Variants in EPB41L4A observed in about 807,000 individuals in gnomAD.
EPB41L4A encodes the protein band 4.1-like protein 4A.
In EPB41L4A, 100 loss-of-function variants were observed where a neutral mutation model predicts 108.6. The observed-to-expected ratio is 0.92, with a 90% CI of 0.78 to 1.09. The LOEUF is 1.09. Among genes scored for constraint, EPB41L4A ranks in the 50% least tolerant of loss-of-function variants. The pLI is 0.00. For missense variants in EPB41L4A, 1,030 were observed against 842.7 expected (o/e 1.22, Z -2.75); for synonymous variants, 319 against 289.0 (o/e 1.10, Z -1.05).
At chr5:112,414,935 G>A (rs17134503) in intron 1 of EPB41L4A, among the ~76,000 whole-genome samples, 6 of 151,932 alleles carry the variant, frequency 3.9e-5, no homozygotes, top group East Asian at 1.9e-4. Context: ...TGAATCTTAC[G>A]TTTGTGTGTG....
At chr5:112,220,980 A>G (rs1025565288) in intron 12 of EPB41L4A, among the ~76,000 whole-genome samples, 3 of 152,154 alleles carry the variant, frequency 2.0e-5, no homozygotes, top group African/African-American at 7.2e-5. Flanking sequence ...GAATATACAC[A>G]TATCTCATTT....
intron 1 of EPB41L4A, among the ~76,000 whole-genome samples, chr5:112,344,819 T>C (rs1345306667): frequency 2.0e-5 from 3 of 152,164 alleles, no homozygotes; most frequent in Non-Finnish European, 1.5e-5. Context: ...ACTGAATATA[T>C]AGCACCTACT....
chr5:112,172,610 G>A (rs995655917), intron 18 of EPB41L4A, among the ~76,000 whole-genome samples: 5 of 152,012 alleles, frequency 3.3e-5, no homozygotes, highest in African/African-American at 1.2e-4. Context: ...TGGTTGGTCT[G>A]ATTTGCTAGA....
At chr5:112,284,194 C>A (rs1753134462) in intron 2 of EPB41L4A, among the ~76,000 whole-genome samples, 1 of 152,200 alleles carries the variant, frequency 6.6e-6, no homozygotes, top group African/African-American at 2.4e-5. Context: ...AGTCTTTCCA[C>A]CTGCCCCACG....
intron 2 of EPB41L4A, among the ~76,000 whole-genome samples, chr5:112,297,759 G>C (rs1474654192): frequency 6.6e-6 from 1 of 152,056 alleles, no homozygotes. Flanking sequence ...AATTTTTATA[G>C]TTTTAAGTCT....
At chr5:112,281,342 T>C (rs1463648299) in intron 2 of EPB41L4A, among the ~76,000 whole-genome samples, 2 of 152,144 alleles carry the variant, frequency 1.3e-5, no homozygotes, top group East Asian at 1.9e-4. Flanking sequence ...AATTATTAAG[T>C]AGAATTATCG....
intron 4 of EPB41L4A, among the ~76,000 whole-genome samples, chr5:112,267,298 A>G (rs1751930865): frequency 7.5e-5 from 11 of 147,202 alleles, no homozygotes; most frequent in Admixed American, 7.3e-4. Context: ...GGAAGGGAAG[A>G]AAAAAAACAA....
chr5:112,143,882 T>A, intron 13 of EPB41L4A: 1 of 455,366 alleles, frequency 2.2e-6, no homozygotes. Flanking sequence ...GAGTCTGCAC[T>A]GAAGACATAG....
intron 18 of EPB41L4A, among the ~76,000 whole-genome samples, chr5:112,182,260 C>T (rs1272951561): frequency 6.6e-6 from 1 of 152,070 alleles, no homozygotes; most frequent in East Asian, 1.9e-4. Flanking sequence ...TAAATTTCAC[C>T]TCAAATTGCC....
intron 1 of EPB41L4A, among the ~76,000 whole-genome samples, chr5:112,387,908 T>C (rs1397719175): frequency 6.6e-6 from 1 of 152,006 alleles, no homozygotes; most frequent in Non-Finnish European, 1.5e-5. Context: ...CTTCCTCACT[T>C]AAAAAGAAAT....
rs76215796 is a variant in EPB41L4A, at chr5:112,200,388, G to A, written c.1376+3987C>T. On this transcript the variant is annotated intron_variant, in intron 15 of 22. Coordinates refer to ENST00000261486, the MANE Select transcript of EPB41L4A (RefSeq NM_022140.5). The stretch of plus-strand genomic sequence containing the variant: ...TTATCATGCATTACACTTATGACAC[G>A]TGTACTTTTCTGTATGCATGCTAGG... 5.4e-4 allele frequency among the ~76,000 whole-genome samples: 82 copies of A among 152,248 alleles called. 1 individual carries two copies. Among genetic ancestry groups the A allele is most frequent in the African/African-American group, 1.9e-3 (78 of 41,546 alleles).
chr5:112,356,772 C>T (rs1006091757), intron 1 of EPB41L4A, among the ~76,000 whole-genome samples: 22 of 152,158 alleles, frequency 1.4e-4, no homozygotes, highest in African/African-American at 5.3e-4. Flanking sequence ...CTCAGTAACA[C>T]ACATGCAAGC....
chr5:112,212,437 C>T (rs758298755), intron 12 of EPB41L4A, among the ~76,000 whole-genome samples: 17 of 151,958 alleles, frequency 1.1e-4, no homozygotes, highest in Non-Finnish European at 2.2e-4. Context: ...GGATTACAGG[C>T]GCATGACACT....
intron 1 of EPB41L4A, among the ~76,000 whole-genome samples, chr5:112,395,499 T>C (rs1047678369): frequency 1.3e-5 from 2 of 152,198 alleles, no homozygotes; most frequent in African/African-American, 4.8e-5. Flanking sequence ...GAAAAAATGC[T>C]CATCATCACT....
In EPB41L4A at chr5:112,302,846, T is replaced by C. The variant is rs890562353; in HGVS notation, c.204+4540A>G. ...AGCAGGAAACTTAGACCTTCGGTGC[T>C]ATGGGGCCCCCTATAGATGCTTCCG... On this transcript the variant is annotated intron_variant, in intron 2 of 22. Transcript: ENST00000261486. 1.3e-5 allele frequency among the ~76,000 whole-genome samples: 2 copies of C among 152,190 alleles called. 1 individual carries two copies. The highest frequency in any genetic ancestry group is 1.3e-4 in the Admixed American group (2 of 15,282).
chr5:112,171,087 ATT>A (rs770143494), intron 18 of EPB41L4A, 95 bp from the exon 19 acceptor site: 9 of 1,112,514 alleles, frequency 8.1e-6, no homozygotes, highest in African/African-American at 1.5e-5. Context: ...TGAAGTTCTT[ATT>A]TGCCAGCTGA....
In EPB41L4A at chr5:112,209,904, G is replaced by A. The variant is rs375577680; in HGVS notation, c.1166C>T (p.Ser389Leu). The change falls in exon 13 of 23, where the codon TCA (serine) becomes TTA (leucine). Residue 389 changes from serine (S) to leucine (L), a missense_variant. Ser to Leu is a moderately radical substitution (Grantham distance 145, BLOSUM62 -2). Coordinates refer to ENST00000261486, the MANE Select transcript of EPB41L4A (RefSeq NM_022140.5). ...NEGTIKIIAP[S>L]PVKSFKKAKN... ...TAACTTCACTGACCTTTTTACTGGT[G>A]AAGGTGCAATAATTTTAATTGTTCC... is the stretch of plus-strand genomic sequence containing the variant. The A allele has an allele frequency of 6.3e-7, 1 of 1,599,194 alleles. No individual in the cohort carries two copies.
intron 17 of EPB41L4A, among the ~76,000 whole-genome samples, chr5:112,188,857 C>A (rs566024908): frequency 1.2e-4 from 18 of 152,244 alleles, no homozygotes; most frequent in African/African-American, 4.1e-4. Flanking sequence ...GGTACAGGGA[C>A]AATAAAGTTC....
intron 20 of EPB41L4A, 38 bp from the exon 21 acceptor site, chr5:112,169,143 A>G (rs373252356): frequency 7.1e-7 from 1 of 1,412,546 alleles, no homozygotes. Flanking sequence ...ACAAACACCC[A>G]AAGTCAGAAA....
Sources: gnomAD v4.1 joint callset for allele counts (sites outside exome capture counted in the v4.1 genomes callset) on GRCh38, gnomAD v4.1.1 for gene constraint, MANE v1.5 for transcripts, NCBI Gene and HGNC (gene_info 2026-07-23, HGNC 2026-07-21) for gene names.